The following ZFAND3 variants were observed in gnomAD, a reference collection of about 807,000 sequenced individuals.
The protein encoded by ZFAND3 is AN1-type zinc finger protein 3.
In ZFAND3, 10 loss-of-function variants were observed where a neutral mutation model predicts 29.6. The observed-to-expected ratio is 0.34, with a 90% CI of 0.21 to 0.57. The LOEUF (loss-of-function observed/expected upper bound fraction) is 0.57. Ranked by LOEUF, ZFAND3 falls within the 20% of genes least tolerant of loss-of-function variation. The pLI, the probability that ZFAND3 is intolerant of heterozygous loss-of-function variation, is 0.86. For missense variants in ZFAND3, 230 were observed against 304.5 expected, an observed-to-expected ratio of 0.76 and a Z score of 1.82; for synonymous variants, 128 against 112.6, an observed-to-expected ratio of 1.14 and a Z score of -0.87.
rs1766257050 is a variant in ZFAND3 at position 38,152,736 on chromosome 6, AGT to A, written c.*348_*349del. 1 of 1,015,798 alleles carries A rather than the reference AGT, an allele frequency of 9.8e-7. No individual in the cohort carries two copies. The highest frequency in any genetic ancestry group is 5.8e-5 in the Admixed American group (1 of 17,268). 62.9% of individuals were successfully genotyped at this position (1,015,798 alleles called of 1,614,324 possible). ...GAAAGTGTTCCAGACGGAGACTCTGAGTTAATAGAGGAGTAGAAGCTGGTGTT... is the reference window on the plus strand; with the variant it reads ...GAAAGTGTTCCAGACGGAGACTCTGATAATAGAGGAGTAGAAGCTGGTGTT... On this transcript the variant is annotated 3_prime_UTR_variant, in exon 6 of 6. Coordinates refer to ENST00000287218, the MANE Select transcript of ZFAND3 (RefSeq NM_021943.3).
chr6:38,030,394 A>G (rs1325136241), intron 2 of ZFAND3, among the ~76,000 whole-genome samples: 2 of 151,888 alleles, frequency 1.3e-5, no homozygotes, highest in Non-Finnish European at 2.9e-5. Context: ...CAGTTTGGGT[A>G]TTTTCTATAG....
intron 1 of ZFAND3, among the ~76,000 whole-genome samples, chr6:37,822,863 G>A (rs1171586072): frequency 6.6e-6 from 1 of 152,136 alleles, no homozygotes; most frequent in Admixed American, 6.5e-5. Context: ...AGATTGTGAA[G>A]GGGGATCACA....
At chr6:38,024,573 T>A (rs945120488) in intron 2 of ZFAND3, among the ~76,000 whole-genome samples, 2 of 152,060 alleles carry the variant, frequency 1.3e-5, no homozygotes, top group African/African-American at 4.8e-5. Context: ...ATTGGATGAA[T>A]GATTAAATAA....
At chr6:38,050,065 A>G (rs1177471764) in intron 2 of ZFAND3, among the ~76,000 whole-genome samples, 1 of 145,114 alleles carries the variant, frequency 6.9e-6, no homozygotes, top group Non-Finnish European at 1.5e-5. Context: ...AGCAATTATC[A>G]TGCGTCAGCC....
At chr6:37,906,659 G>A (rs1475680520) in intron 1 of ZFAND3, among the ~76,000 whole-genome samples, 1 of 151,414 alleles carries the variant, frequency 6.6e-6, no homozygotes, top group Non-Finnish European at 1.5e-5. Context: ...CAATGTATGA[G>A]GGTTCCAGTT....
chr6:37,823,801 TG>T (rs377295323), intron 1 of ZFAND3, among the ~76,000 whole-genome samples: 76 of 150,140 alleles, frequency 5.1e-4, no homozygotes, highest in East Asian at 1.6e-3. Context: ...TATTTTTTTT[TG>T]GGGGGGGGTA....
At chr6:37,843,943 A>T (rs1211030948) in intron 1 of ZFAND3, among the ~76,000 whole-genome samples, 1 of 152,044 alleles carries the variant, frequency 6.6e-6, no homozygotes, top group African/African-American at 2.4e-5. Flanking sequence ...GGGGGGACAG[A>T]GTCTCACTTT....
At chr6:37,995,304 G>A (rs1018283526) in intron 2 of ZFAND3, among the ~76,000 whole-genome samples, 10 of 152,104 alleles carry the variant, frequency 6.6e-5, no homozygotes, top group Admixed American at 1.3e-4. Context: ...AATTGTAGGG[G>A]CAAGCATTTT....
chr6:38,137,483 A>C (rs539673285), intron 5 of ZFAND3, among the ~76,000 whole-genome samples: 2 of 152,180 alleles, frequency 1.3e-5, no homozygotes, highest in African/African-American at 2.4e-5. Context: ...TGCTGACTCT[A>C]TTTATTTATT....
chr6:37,843,376 A>G (rs1764115022), intron 1 of ZFAND3, among the ~76,000 whole-genome samples: 2 of 151,096 alleles, frequency 1.3e-5, no homozygotes, highest in Non-Finnish European at 2.9e-5. Flanking sequence ...AGTCCCAGCT[A>G]CTTGGGAGGC....
intron 2 of ZFAND3, among the ~76,000 whole-genome samples, chr6:37,988,986 T>C (rs1414321814): frequency 6.6e-6 from 1 of 151,960 alleles, no homozygotes; most frequent in Admixed American, 6.6e-5. Flanking sequence ...CTCACTGCAA[T>C]TTCCACTCCC....
At chr6:38,108,464 C>T (rs1221042711) in intron 4 of ZFAND3, among the ~76,000 whole-genome samples, 1 of 152,176 alleles carries the variant, frequency 6.6e-6, no homozygotes, top group African/African-American at 2.4e-5. Context: ...GCTGACAGTA[C>T]ACGCTTTAGC....
At chr6:38,059,285 A>G (rs1425223938) in intron 2 of ZFAND3, among the ~76,000 whole-genome samples, 1 of 152,196 alleles carries the variant, frequency 6.6e-6, no homozygotes, top group Non-Finnish European at 1.5e-5. Context: ...TCATTCATGT[A>G]TCCATAAACA....
intron 1 of ZFAND3, among the ~76,000 whole-genome samples, chr6:37,821,684 C>T (rs772303624): frequency 2.6e-5 from 4 of 152,234 alleles, no homozygotes; most frequent in Non-Finnish European, 5.9e-5. Flanking sequence ...AAGAAAGTCG[C>T]TGCCAGTGGC....
chr6:37,843,906 A>ATT (rs1056559131), intron 1 of ZFAND3, among the ~76,000 whole-genome samples: 1 of 150,988 alleles, frequency 6.6e-6, no homozygotes, highest in Non-Finnish European at 1.5e-5. Flanking sequence ...CAATAAGATT[A>ATT]TTTTTTTTCT....
At chr6:37,999,419 T>G (rs1762906449) in intron 2 of ZFAND3, among the ~76,000 whole-genome samples, 1 of 152,232 alleles carries the variant, frequency 6.6e-6, no homozygotes, top group African/African-American at 2.4e-5. Context: ...TGGGCTGTGC[T>G]GTGACTTCCA....
chr6:38,107,083 A>C (rs1334041475), intron 4 of ZFAND3, among the ~76,000 whole-genome samples: 1 of 152,172 alleles, frequency 6.6e-6, no homozygotes, highest in Non-Finnish European at 1.5e-5. Context: ...GCAACTACTA[A>C]CAGCAGTGTG....
chr6:37,939,429 T>G (rs929917897), intron 2 of ZFAND3, among the ~76,000 whole-genome samples: 2 of 152,200 alleles, frequency 1.3e-5, no homozygotes, highest in Non-Finnish European at 2.9e-5. Context: ...TGGCTCAGTC[T>G]TATCCCGGAT....
chr6:37,961,051 G>A (rs909561351), intron 2 of ZFAND3, among the ~76,000 whole-genome samples: 6 of 152,204 alleles, frequency 3.9e-5, no homozygotes, highest in African/African-American at 1.4e-4. Flanking sequence ...TTCAGCCTGG[G>A]TGATAGAGCG....
Sources: gnomAD v4.1 joint callset for allele counts (sites outside exome capture counted in the v4.1 genomes callset) on GRCh38, gnomAD v4.1.1 for gene constraint, MANE v1.5 for transcripts, NCBI Gene and HGNC (gene_info 2026-07-23, HGNC 2026-07-21) for gene names.